RSU1: variants seen among roughly 807,000 people sequenced by gnomAD.
RSU1 encodes the protein Ras suppressor protein 1.
In RSU1, 26 loss-of-function variants were observed where a neutral mutation model predicts 31.1. The ratio of observed to expected loss-of-function variants is 0.84; its 90% CI spans 0.61 to 1.16. The LOEUF (loss-of-function observed/expected upper bound fraction) is 1.16, where lower values mean the gene tolerates loss of function less well. Among genes scored for constraint, RSU1 ranks in the 50% most tolerant of loss-of-function variants. The pLI is 0.00. For synonymous variants in RSU1, 164 were observed against 136.3 expected (o/e 1.20, Z -1.41); for missense variants, 320 against 339.1 (o/e 0.94, Z 0.44).
At chr10:16,744,622 A>T (rs981084577) in intron 7 of RSU1, among the ~76,000 whole-genome samples, 5 of 152,234 alleles carry the variant, frequency 3.3e-5, no homozygotes, top group Admixed American at 3.3e-4. Context: ...GAAAGAATTG[A>T]ATGAATGGGT....
In RSU1 at chr10:16,590,657, GTA is replaced by G. The variant is rs1331537274; in HGVS notation, c.*2735_*2736del. 1.3e-5 allele frequency: 2 copies of G among 152,076 alleles called. No homozygotes were observed. Among genetic ancestry groups the G allele is most frequent in the South Asian group, 2.1e-4 (1 of 4,826 alleles). The allele number at this position is 152,076 out of a possible 1,614,324, so 9.4% of individuals were successfully genotyped here. The stretch of plus-strand genomic sequence containing the variant: ...CATTTAATATTTTCTGATTACAAAA[GTA>G]TATGTGTTCATTAGAAAAAATTTAA... On this transcript the variant is annotated 3_prime_UTR_variant, in exon 9 of 9. Coordinates refer to ENST00000345264, the MANE Select transcript of RSU1 (RefSeq NM_012425.4).
chr10:16,667,372 G>T (rs568890936), intron 8 of RSU1, among the ~76,000 whole-genome samples: 6 of 152,204 alleles, frequency 3.9e-5, no homozygotes, highest in African/African-American at 1.4e-4. Flanking sequence ...GAGTACTAGC[G>T]AGTGACATGA....
intron 8 of RSU1, among the ~76,000 whole-genome samples, chr10:16,684,632 G>GA (rs1024454320): frequency 1.4e-4 from 22 of 152,074 alleles, no homozygotes; most frequent in South Asian, 4.1e-4. Context: ...ACTGCCCTCA[G>GA]AAAAAACCAA....
At chr10:16,637,107 T>C (rs1213248017) in intron 8 of RSU1, among the ~76,000 whole-genome samples, 4 of 152,238 alleles carry the variant, frequency 2.6e-5, no homozygotes, top group Admixed American at 2.6e-4. Context: ...AACCACATTA[T>C]TAACAAATTA....
intron 2 of RSU1, among the ~76,000 whole-genome samples, chr10:16,790,728 T>G (rs1837894958): frequency 6.6e-6 from 1 of 152,106 alleles, no homozygotes. Flanking sequence ...GGGGGTGGAT[T>G]CCCCCTTGCT....
chr10:16,639,756 G>A (rs973767902), intron 8 of RSU1, among the ~76,000 whole-genome samples: 1 of 152,100 alleles, frequency 6.6e-6, no homozygotes, highest in African/African-American at 2.4e-5. Context: ...TGACAATATT[G>A]GCATCCTAAG....
chr10:16,774,600 T>C (rs551849669), intron 3 of RSU1, among the ~76,000 whole-genome samples: 8 of 152,096 alleles, frequency 5.3e-5, no homozygotes, highest in African/African-American at 1.4e-4. Context: ...AGCATCCCTA[T>C]GTCCACACTG....
chr10:16,704,301 C>T (rs1373604135), intron 7 of RSU1, among the ~76,000 whole-genome samples: 1 of 152,096 alleles, frequency 6.6e-6, no homozygotes, highest in Non-Finnish European at 1.5e-5. Context: ...AGGAGCTTTG[C>T]ATACATTATT....
intron 7 of RSU1, among the ~76,000 whole-genome samples, chr10:16,726,624 G>A (rs927267238): frequency 3.9e-5 from 6 of 152,086 alleles, no homozygotes; most frequent in African/African-American, 1.2e-4. Flanking sequence ...AAGGTGGTGG[G>A]AATTTGACTG....
At chr10:16,707,737 T>G (rs1309655085) in intron 7 of RSU1, among the ~76,000 whole-genome samples, 4 of 152,184 alleles carry the variant, frequency 2.6e-5, no homozygotes, top group Non-Finnish European at 4.4e-5. Flanking sequence ...CTTGTTTGTC[T>G]AGTTTTGCTT....
At chr10:16,800,398 T>A (rs576050862) in intron 2 of RSU1, among the ~76,000 whole-genome samples, 3 of 151,984 alleles carry the variant, frequency 2.0e-5, no homozygotes, top group African/African-American at 7.3e-5. Context: ...CCTGAGAGAA[T>A]TGAAAGGAAA....
chr10:16,730,957 G>A (rs1453306977), intron 7 of RSU1, among the ~76,000 whole-genome samples: 1 of 151,854 alleles, frequency 6.6e-6, no homozygotes, highest in African/African-American at 2.4e-5. Context: ...TGAAGTAGCT[G>A]GGATTATAGA....
chr10:16,603,989 T>C (rs1305435736), intron 8 of RSU1, among the ~76,000 whole-genome samples: 7 of 152,268 alleles, frequency 4.6e-5, no homozygotes, highest in African/African-American at 7.2e-5. Context: ...AGAACCTAAA[T>C]AGTAATCATC....
chr10:16,712,999 A>G (rs1386403933), intron 7 of RSU1, among the ~76,000 whole-genome samples: 1 of 152,064 alleles, frequency 6.6e-6, no homozygotes, highest in African/African-American at 2.4e-5. Context: ...CCTCCTCCCC[A>G]CAAGCCCCCC....
chr10:16,759,525 T>G (rs1309797368), intron 4 of RSU1, among the ~76,000 whole-genome samples: 2 of 151,966 alleles, frequency 1.3e-5, no homozygotes, highest in Non-Finnish European at 2.9e-5. Context: ...TATAAATAAA[T>G]AATCCAAATC....
At chr10:16,679,841 C>T (rs900974355) in intron 8 of RSU1, among the ~76,000 whole-genome samples, 2 of 150,800 alleles carry the variant, frequency 1.3e-5, no homozygotes, top group African/African-American at 4.9e-5. Flanking sequence ...TGGAAAAACT[C>T]CCCTCATCTG....
At chr10:16,780,924 T>C (rs1038352456) in intron 3 of RSU1, among the ~76,000 whole-genome samples, 1 of 152,222 alleles carries the variant, frequency 6.6e-6, no homozygotes, top group Non-Finnish European at 1.5e-5. Context: ...CTTACAAATA[T>C]ACGCTTTGGC....
Position 16,592,864 on chromosome 10 carries a change from C to T in RSU1, c.*530G>A, listed in dbSNP as rs952284640. ...GAAAAGTAAATGAAAATGTGTTATA[C>T]CCCAAGATCAGACTGTTCTTTTATT... On this transcript the variant is annotated 3_prime_UTR_variant, in exon 9 of 9. Coordinates refer to ENST00000345264, the MANE Select transcript of RSU1 (RefSeq NM_012425.4). 7 of 151,946 alleles carry T rather than the reference C, an allele frequency of 4.6e-5. No homozygotes were observed. Among genetic ancestry groups the T allele is most frequent in the Non-Finnish European group, 8.8e-5 (6 of 68,092 alleles). The allele number at this position is 151,946 out of a possible 1,614,324, so 9.4% of individuals were successfully genotyped here. A position where few individuals can be genotyped will look rare whatever the true frequency, so the allele number is the denominator to read the frequency against.
intron 8 of RSU1, among the ~76,000 whole-genome samples, chr10:16,607,349 T>C (rs1359339100): frequency 6.6e-6 from 1 of 152,166 alleles, no homozygotes; most frequent in Non-Finnish European, 1.5e-5. Flanking sequence ...GGTATGTCTT[T>C]ATAGCAGTGT....
Sources: allele counts gnomAD v4.1 joint callset (sites outside exome capture counted in the v4.1 genomes callset), GRCh38; gene constraint gnomAD v4.1.1; transcripts MANE v1.5; gene names NCBI Gene and HGNC (gene_info 2026-07-23, HGNC 2026-07-21).